The following LNP1 variants were observed in gnomAD, a reference collection of about 807,000 sequenced individuals.
LNP1 encodes the protein leukemia NUP98 fusion partner 1.
Under a neutral mutation model 14.5 loss-of-function variants are expected in LNP1, and 12 were observed. The observed-to-expected ratio is 0.83, with a 90% CI of 0.53 to 1.34. The LOEUF (loss-of-function observed/expected upper bound fraction) is 1.34, where lower values mean the gene tolerates loss of function less well. LNP1 is among the 40% of genes most tolerant of loss of function. LNP1 has a pLI of 0.00. For missense variants in LNP1, 198 were observed against 210.9 expected (o/e 0.94, Z 0.38); for synonymous variants, 75 against 71.4 (o/e 1.05, Z -0.26).
chr3:100,415,264 G>A (rs940406903), intron 1 of LNP1, among the ~76,000 whole-genome samples: 1 of 152,020 alleles, frequency 6.6e-6, no homozygotes, highest in African/African-American at 2.4e-5. Context: ...TTAATATACA[G>A]AATACATGTA....
intron 1 of LNP1, among the ~76,000 whole-genome samples, chr3:100,417,501 A>G (rs1366694092): frequency 1.4e-5 from 2 of 143,768 alleles, no homozygotes; most frequent in Non-Finnish European, 3.0e-5. Flanking sequence ...TCAGCCTCCC[A>G]AGTAGCTGGG....
chr3:100,410,580 A>C (rs1707023203), intron 1 of LNP1, among the ~76,000 whole-genome samples: 2 of 152,204 alleles, frequency 1.3e-5, no homozygotes, highest in Non-Finnish European at 2.9e-5. Flanking sequence ...GAATTGAAGA[A>C]GGAATGGTTA....
rs376241221 is a variant in LNP1, at chr3:100,454,762, G to A, written c.388-1015G>A. ...TTTGATAAGAGACCTTCATGACTGC[G>A]TTAACATTGTAGAGCGGCTGACACC... On this transcript the variant is annotated intron_variant, in intron 3 of 3. Transcript: ENST00000383693. 3.3e-5 allele frequency among the ~76,000 whole-genome samples: 5 copies of A among 152,072 alleles called. No homozygotes were observed. The East Asian group carries it at 5.8e-4, about 18-fold the overall frequency.
intron 1 of LNP1, among the ~76,000 whole-genome samples, chr3:100,419,098 C>T (rs1707118693): frequency 5.3e-5 from 8 of 152,148 alleles, no homozygotes; most frequent in Admixed American, 5.2e-4. Context: ...GAGGGGTCAT[C>T]TTGTCACTTA....
At chr3:100,415,969 G>A (rs772808817) in intron 1 of LNP1, among the ~76,000 whole-genome samples, 16 of 152,256 alleles carry the variant, frequency 1.1e-4, no homozygotes, top group Middle Eastern at 3.4e-3. Context: ...AGATGCTGTC[G>A]TTTAGTCTTG....
intron 1 of LNP1, among the ~76,000 whole-genome samples, chr3:100,411,392 ATGT>A (rs896885725): frequency 2.3e-4 from 35 of 152,336 alleles, no homozygotes; most frequent in African/African-American, 8.4e-4. Context: ...TTTAGAGGTG[ATGT>A]TGTAATGAGT....
intron 1 of LNP1, among the ~76,000 whole-genome samples, chr3:100,421,000 T>C (rs918131745): frequency 2.0e-5 from 3 of 152,022 alleles, no homozygotes; most frequent in African/African-American, 7.3e-5. Context: ...TTTTTTGAGA[T>C]AAGAGTCTTG....
intron 1 of LNP1, among the ~76,000 whole-genome samples, chr3:100,420,415 G>A (rs1055618781): frequency 3.3e-5 from 5 of 152,176 alleles, no homozygotes; most frequent in East Asian, 1.9e-4. Flanking sequence ...GAGCTCAAGC[G>A]ATCCTCCCAC....
At chr3:100,407,834 A>G (rs959919656) in intron 1 of LNP1, among the ~76,000 whole-genome samples, 2 of 151,836 alleles carry the variant, frequency 1.3e-5, no homozygotes, top group Non-Finnish European at 2.9e-5. Flanking sequence ...ACCTGTCTTC[A>G]AGTTTACAGA....
At chr3:100,436,855 A>G (rs1228337839) in intron 2 of LNP1, among the ~76,000 whole-genome samples, 1 of 152,156 alleles carries the variant, frequency 6.6e-6, no homozygotes, top group African/African-American at 2.4e-5. Flanking sequence ...GCCTAATGGG[A>G]TTAATATCCT....
chr3:100,434,071 T>A (rs1307493165), intron 2 of LNP1, among the ~76,000 whole-genome samples: 1 of 152,234 alleles, frequency 6.6e-6, no homozygotes, highest in East Asian at 1.9e-4. Context: ...TTAGCTTAAT[T>A]AGATCCTATT....
Position 100,429,830 on chromosome 3 carries a change from G to A in LNP1, c.101G>A (p.Arg34Gln), listed in dbSNP as rs778123972. 34 of 1,613,772 alleles carry A rather than the reference G, an allele frequency of 2.1e-5. No homozygotes were observed. The highest frequency in any genetic ancestry group is 2.7e-5 in the African/African-American group (2 of 74,840). Reference sequence around the variant, plus strand: ...AGAGAGGAGGATCAGAGAGGACTCCGGGAACGCCACCGACTGCAAGCCACC... The same window carrying A: ...AGAGAGGAGGATCAGAGAGGACTCCAGGAACGCCACCGACTGCAAGCCACC... ...SWREEDQRGLRERHRLQATSH... is the reference protein window; with the variant it reads ...SWREEDQRGLQERHRLQATSH... The change falls in exon 2 of 4, where the codon CGG (arginine) becomes CAG (glutamine). Residue 34 changes from arginine (R) to glutamine (Q), a missense_variant. Transcript: ENST00000383693.
chr3:100,430,307 C>T (rs938846811), intron 2 of LNP1, among the ~76,000 whole-genome samples: 2 of 152,206 alleles, frequency 1.3e-5, no homozygotes, highest in African/African-American at 2.4e-5. Context: ...GGGGATCCCA[C>T]ATGACAAGTC....
At chr3:100,447,612 A>AT (rs1707400378) in intron 2 of LNP1, among the ~76,000 whole-genome samples, 1 of 129,506 alleles carries the variant, frequency 7.7e-6, no homozygotes, top group African/African-American at 2.8e-5. Context: ...AAAAAAAAGA[A>AT]TTAAAAAAAA....
intron 1 of LNP1, among the ~76,000 whole-genome samples, chr3:100,411,837 A>G (rs865833060): frequency 3.9e-5 from 6 of 152,084 alleles, no homozygotes; most frequent in Non-Finnish European, 7.4e-5. Flanking sequence ...TCCAAATACC[A>G]TCGCATTGGG....
At chr3:100,409,233 C>T (rs1054820511) in intron 1 of LNP1, among the ~76,000 whole-genome samples, 1 of 152,190 alleles carries the variant, frequency 6.6e-6, no homozygotes, top group African/African-American at 2.4e-5. Context: ...TGGACTTGAA[C>T]TGAAATATCA....
At chr3:100,450,882 A>AAAATAAAT (rs202009335) in intron 2 of LNP1, among the ~76,000 whole-genome samples, 22 of 152,190 alleles carry the variant, frequency 1.4e-4, no homozygotes, top group African/African-American at 4.6e-4. Context: ...TAAAACTCCA[A>AAAATAAAT]AAATAAATAA....
chr3:100,441,857 G>A (rs1227644379), intron 2 of LNP1, among the ~76,000 whole-genome samples: 1 of 151,880 alleles, frequency 6.6e-6, no homozygotes, highest in Non-Finnish European at 1.5e-5. Flanking sequence ...TAGAGACAGG[G>A]TTTCACTATG....
chr3:100,451,117 T>C (rs969755050), intron 2 of LNP1, among the ~76,000 whole-genome samples: 1 of 152,176 alleles, frequency 6.6e-6, no homozygotes, highest in African/African-American at 2.4e-5. Context: ...GTTGCCAAAA[T>C]GTGAACCCCC....
Sources: gnomAD v4.1 joint callset for allele counts (sites outside exome capture counted in the v4.1 genomes callset) on GRCh38, gnomAD v4.1.1 for gene constraint, MANE v1.5 for transcripts, NCBI Gene and HGNC (gene_info 2026-07-23, HGNC 2026-07-21) for gene names.